TEX11: variants seen among roughly 807,000 people sequenced by gnomAD.
The protein encoded by TEX11 is testis-expressed protein 11.
TEX11 carries 7 observed loss-of-function variants against 84.4 expected under a neutral mutation model. That is an observed-to-expected ratio of 0.08 (90% CI 0.05 to 0.16). The LOEUF is 0.16. Among genes scored for constraint, TEX11 ranks in the 10% least tolerant of loss-of-function variants. The pLI is 1.00. For missense variants in TEX11, 551 were observed against 660.5 expected (o/e 0.83, Z 1.82); for synonymous variants, 264 against 222.8 (o/e 1.18, Z -1.64).
At chrX:70,699,077 C>A (rs2090304853) in intron 13 of TEX11, among the ~76,000 whole-genome samples, 1 of 111,371 alleles carries the variant, frequency 9.0e-6, no homozygotes, top group Admixed American at 9.6e-5. Flanking sequence ...AGCTAATCAT[C>A]AGTAAGAAGT....
At chrX:70,666,017 T>C (rs2089972877) in intron 16 of TEX11, among the ~76,000 whole-genome samples, 1 of 112,074 alleles carries the variant, frequency 8.9e-6, no homozygotes. Flanking sequence ...TTTATAACTA[T>C]TTTTAATGTA....
rs924908539 is a variant in TEX11, at chrX:70,581,138, A to T, written c.2140+10613T>A. On this transcript the variant is annotated intron_variant, in intron 25 of 29. Coordinates refer to ENST00000374333, the MANE Select transcript of TEX11 (RefSeq NM_031276.3). ...TGCCACAGCCTCCCGAGTAGCTGGGAGTATAAGCATGTGCCACTATTCCTG... is the reference window on the plus strand; with the variant it reads ...TGCCACAGCCTCCCGAGTAGCTGGGTGTATAAGCATGTGCCACTATTCCTG... Among the ~76,000 whole-genome samples the T allele has an allele frequency of 6.4e-4, 70 of 109,102 alleles. 1 individual carries two copies. The highest frequency in any genetic ancestry group is 2.9e-3 in the Admixed American group (29 of 10,039). The allele number at this position is 109,102 out of a possible 115,157, so 94.7% of individuals were successfully genotyped here. A position where few individuals can be genotyped will look rare whatever the true frequency, so the allele number is the denominator to read the frequency against.
At chrX:70,843,674 C>A (rs1174220604) in intron 7 of TEX11, among the ~76,000 whole-genome samples, 1 of 111,307 alleles carries the variant, frequency 9.0e-6, no homozygotes, top group Non-Finnish European at 1.9e-5. Flanking sequence ...AACAGGCAAC[C>A]TACAAAATGG....
intron 7 of TEX11, among the ~76,000 whole-genome samples, chrX:70,836,832 G>C (rs1340912703): frequency 9.0e-6 from 1 of 111,196 alleles, no homozygotes; most frequent in African/African-American, 3.3e-5. Flanking sequence ...GCCTGGCCAA[G>C]ATGGCAAAGC....
At chrX:70,884,455 G>A (rs749943148) in intron 2 of TEX11, among the ~76,000 whole-genome samples, 1 of 111,663 alleles carries the variant, frequency 9.0e-6, no homozygotes, top group Non-Finnish European at 1.9e-5. Flanking sequence ...TCTGATTGTG[G>A]GCTAAAGAAA....
chrX:70,864,326 G>C (rs1191374290), intron 4 of TEX11, among the ~76,000 whole-genome samples: 1 of 111,237 alleles, frequency 9.0e-6, no homozygotes, highest in East Asian at 2.8e-4. Context: ...ATTAAGGGCA[G>C]CCAGAGAGAA....
chrX:70,657,004 T>A (rs367923704), intron 16 of TEX11, among the ~76,000 whole-genome samples: 3 of 111,630 alleles, frequency 2.7e-5, no homozygotes, highest in African/African-American at 9.8e-5. Flanking sequence ...AAAGAAAAAG[T>A]ATAGATCAGT....
chrX:70,667,074 A>G (rs1393712697), intron 16 of TEX11, among the ~76,000 whole-genome samples: 3 of 112,583 alleles, frequency 2.7e-5, no homozygotes, highest in African/African-American at 9.7e-5. Flanking sequence ...ACAATTTTAC[A>G]TTTTAAGTGC....
At chrX:70,552,538 G>C (rs2088229923) in intron 27 of TEX11, among the ~76,000 whole-genome samples, 1 of 111,033 alleles carries the variant, frequency 9.0e-6, no homozygotes, top group African/African-American at 3.3e-5. Context: ...CAATTTACAG[G>C]CATTTTAAAG....
At chrX:70,806,391 G>T (rs112580803) in intron 9 of TEX11, among the ~76,000 whole-genome samples, 13,730 of 109,398 alleles carry the variant, frequency 0.13, 773 homozygotes, top group Middle Eastern at 0.25. Context: ...AGAAGGCAGA[G>T]GTTGCAGTGA....
rs755879514 is a variant in TEX11 at position 70,749,337 on chromosome X, T to G, written c.693-5118A>C. The stretch of plus-strand genomic sequence containing the variant: ...AGATTTTGGGCTGAGACGATGGGGT[T>G]TTCTAGATATACAATCATGTCGTCT... On this transcript the variant is annotated intron_variant, in intron 9 of 29. Transcript: ENST00000374333. Among the ~76,000 whole-genome samples, 5 of 109,403 alleles carry G rather than the reference T, an allele frequency of 4.6e-5. No individual in the cohort carries two copies. The South Asian group carries it at 2.1e-3, about 45-fold the overall frequency.
chrX:70,582,148 T>C lies in TEX11; in HGVS notation c.2140+9603A>G, dbSNP rs772203975. Among the ~76,000 whole-genome samples the C allele has an allele frequency of 6.2e-5, 7 of 112,172 alleles. No individual in the cohort carries two copies. In the South Asian group the frequency reaches 2.6e-3, roughly 42 times the overall value. ...AATTTTATTTTAAAAATAAGAAGAT[T>C]GCTTCACATTTTTGCAAAGTTCCCT... On this transcript the variant is annotated intron_variant, in intron 25 of 29. Coordinates refer to ENST00000374333, the MANE Select transcript of TEX11 (RefSeq NM_031276.3).
intron 14 of TEX11, among the ~76,000 whole-genome samples, chrX:70,681,557 CTA>C (rs1264049410): frequency 2.7e-5 from 3 of 112,106 alleles, no homozygotes; most frequent in East Asian, 2.8e-4. Flanking sequence ...ACATTAACAA[CTA>C]TTTTATTTTA....
chrX:70,759,138 C>A (rs1396217024), intron 9 of TEX11, among the ~76,000 whole-genome samples: 2 of 111,374 alleles, frequency 1.8e-5, no homozygotes, highest in East Asian at 2.8e-4. Flanking sequence ...AGCCTACCAA[C>A]CAAAAAAAGT....
At chrX:70,875,814 C>T (rs192641525) in intron 3 of TEX11, among the ~76,000 whole-genome samples, 16 of 110,825 alleles carry the variant, frequency 1.4e-4, no homozygotes, top group Middle Eastern at 4.6e-3. Flanking sequence ...GTTTTTAACA[C>T]GGGAAAATAT....
chrX:70,615,137 C>T (rs1242037859), intron 20 of TEX11, among the ~76,000 whole-genome samples: 1 of 111,054 alleles, frequency 9.0e-6, no homozygotes, highest in Non-Finnish European at 1.9e-5. Flanking sequence ...TGCCCAGATA[C>T]TGATGAACAC....
chrX:70,638,930 C>A (rs1005337952), intron 17 of TEX11, among the ~76,000 whole-genome samples: 11 of 109,744 alleles, frequency 1.0e-4, no homozygotes, highest in Admixed American at 9.8e-4. Flanking sequence ...CGAATAGGAA[C>A]AGCTCCAGTC....
chrX:70,589,958 AG>A (rs1245117130), intron 25 of TEX11, among the ~76,000 whole-genome samples: 1 of 112,280 alleles, frequency 8.9e-6, no homozygotes, highest in African/African-American at 3.2e-5. Context: ...TCCAGGTGGT[AG>A]GGTATTTCAA....
chrX:70,794,417 G>A (rs937681709), intron 9 of TEX11, among the ~76,000 whole-genome samples: 2 of 111,011 alleles, frequency 1.8e-5, no homozygotes, highest in Admixed American at 9.6e-5. Flanking sequence ...CTGAAAGGCA[G>A]TCTAGGCCAC....
Sources: allele counts gnomAD v4.1 joint callset (sites outside exome capture counted in the v4.1 genomes callset), GRCh38; gene constraint gnomAD v4.1.1; transcripts MANE v1.5; gene names NCBI Gene and HGNC (gene_info 2026-07-23, HGNC 2026-07-21).